Variants in KAZN observed in about 807,000 individuals in gnomAD.
KAZN encodes the protein kazrin.
KAZN carries 40 observed loss-of-function variants against 87.4 expected under a neutral mutation model. That is an observed-to-expected ratio of 0.46 (90% confidence interval 0.36 to 0.60). The LOEUF (loss-of-function observed/expected upper bound fraction) is 0.60, where lower values mean the gene tolerates loss of function less well. KAZN is among the 20% of genes least tolerant of loss of function. The pLI is 0.00. For missense variants in KAZN, 898 were observed against 1,073.9 expected (o/e 0.84, Z 2.29); for synonymous variants, 466 against 458.3 (o/e 1.02, Z -0.22).
At chr1:14,611,249 T>C (rs1203900610) in intron 1 of KAZN, among the ~76,000 whole-genome samples, 1 of 152,194 alleles carries the variant, frequency 6.6e-6, no homozygotes, top group Non-Finnish European at 1.5e-5. Context: ...TCTGTTTCAA[T>C]TCCAGAGCAA....
chr1:14,699,850 G>A (rs147764014), intron 1 of KAZN, among the ~76,000 whole-genome samples: 1 of 152,314 alleles, frequency 6.6e-6, no homozygotes, highest in East Asian at 1.9e-4. Flanking sequence ...GTGATGTCAT[G>A]CTGATATCAT....
chr1:14,475,635 A>G (rs1668676011), intron 2 of KAZN, among the ~76,000 whole-genome samples: 1 of 152,234 alleles, frequency 6.6e-6, no homozygotes, highest in Non-Finnish European at 1.5e-5. Context: ...AGTGTTATAA[A>G]CTATTCAGTA....
At chr1:14,958,389 G>C (rs1359804285) in intron 1 of KAZN, among the ~76,000 whole-genome samples, 7 of 102,468 alleles carry the variant, frequency 6.8e-5, no homozygotes, top group African/African-American at 1.2e-4. Flanking sequence ...TATATACATG[G>C]AGCACTTCCT....
chr1:14,751,746 G>A (rs889671595), intron 1 of KAZN, among the ~76,000 whole-genome samples: 23 of 152,146 alleles, frequency 1.5e-4, no homozygotes, highest in African/African-American at 5.3e-4. Context: ...AGGGAGCACC[G>A]TTTCTCCTTC....
At chr1:13,921,603 C>A (rs953030388) in intron 1 of KAZN, among the ~76,000 whole-genome samples, 1 of 152,164 alleles carries the variant, frequency 6.6e-6, no homozygotes, top group African/African-American at 2.4e-5. Context: ...CCTCATGCTT[C>A]TATCCTGCCT....
chr1:14,448,265 A>T (rs1048111109), intron 2 of KAZN, among the ~76,000 whole-genome samples: 3 of 152,254 alleles, frequency 2.0e-5, no homozygotes, highest in African/African-American at 7.2e-5. Context: ...GAGCAGGGAC[A>T]TGACCTCTGA....
At chr1:14,937,483 G>A (rs546037644) in intron 1 of KAZN, among the ~76,000 whole-genome samples, 35 of 152,162 alleles carry the variant, frequency 2.3e-4, no homozygotes, top group African/African-American at 7.0e-4. Context: ...CGTCCCCTCC[G>A]CCTCTCTCCC....
chr1:15,006,883 C>T (rs990189376), intron 2 of KAZN, among the ~76,000 whole-genome samples: 2 of 151,686 alleles, frequency 1.3e-5, no homozygotes, highest in Non-Finnish European at 2.9e-5. Context: ...GGTGAAACCC[C>T]GTCTCTACTA....
intron 1 of KAZN, among the ~76,000 whole-genome samples, chr1:13,922,916 G>A (rs553579909): frequency 1.3e-5 from 2 of 152,304 alleles, no homozygotes; most frequent in South Asian, 4.1e-4. Flanking sequence ...GCACATAGTA[G>A]ATGGACAAGG....
At chr1:14,256,764 C>T (rs1354366351) in intron 2 of KAZN, among the ~76,000 whole-genome samples, 1 of 152,152 alleles carries the variant, frequency 6.6e-6, no homozygotes, top group Admixed American at 6.5e-5. Flanking sequence ...AATGGGATAA[C>T]ATATTTAATC....
At chr1:14,554,831 G>C (rs529999385) in intron 2 of KAZN, among the ~76,000 whole-genome samples, 5 of 152,104 alleles carry the variant, frequency 3.3e-5, no homozygotes, top group Middle Eastern at 3.2e-3. Flanking sequence ...ATAACAGATC[G>C]TTATTACCAA....
At chr1:14,828,174 T>C (rs1048415927) in intron 1 of KAZN, among the ~76,000 whole-genome samples, 2 of 152,226 alleles carry the variant, frequency 1.3e-5, no homozygotes, top group African/African-American at 4.8e-5. Flanking sequence ...ATAGTCACAG[T>C]TCAGGGAACT....
At chr1:14,451,584 AAGAG>A (rs5772582) in intron 2 of KAZN, among the ~76,000 whole-genome samples, 3,608 of 148,612 alleles carry the variant, frequency 0.024, 52 homozygotes, top group Middle Eastern at 0.059. Flanking sequence ...CAGTTTCAGA[AAGAG>A]AGAGAGAGAG....
intron 1 of KAZN, among the ~76,000 whole-genome samples, chr1:14,084,119 T>C (rs1267785470): frequency 1.3e-5 from 2 of 150,040 alleles, no homozygotes; most frequent in African/African-American, 4.9e-5. Flanking sequence ...TGGAGGGAGG[T>C]GATGGTGGAT....
chr1:13,969,983 G>GCACAGGC (rs1642080152), intron 1 of KAZN, among the ~76,000 whole-genome samples: 1 of 152,178 alleles, frequency 6.6e-6, no homozygotes, highest in Admixed American at 6.5e-5. Context: ...TTTGCTAAAG[G>GCACAGGC]CACAGGCCTG....
At chr1:14,594,966 G>A (rs1490232973), upstream of KAZN, among the ~76,000 whole-genome samples, 1 of 152,078 alleles carries the variant, frequency 6.6e-6, no homozygotes, top group East Asian at 1.9e-4. Flanking sequence ...CCAAGATGGT[G>A]AAACCCCGTC....
rs372075751 is a variant in KAZN, at chr1:13,923,505, G to A, written c.91+29749G>A. On this transcript the variant is annotated intron_variant, in intron 1 of 16. Coordinates refer to the KAZN transcript ENST00000636203. ...GGAGAATGGCGTGAACCCGGGAGGC[G>A]GAGCTTGCAGTGAGCCGAGATCGCG... Among the ~76,000 whole-genome samples, 23 of 148,650 alleles carry A rather than the reference G, an allele frequency of 1.5e-4. No individual in the cohort carries two copies. In the East Asian group the frequency reaches 1.9e-3, roughly 12 times the overall value.
chr1:14,380,255 C>G (rs1450353991), intron 2 of KAZN, among the ~76,000 whole-genome samples: 1 of 152,156 alleles, frequency 6.6e-6, no homozygotes, highest in Non-Finnish European at 1.5e-5. Flanking sequence ...AGGATGGGTA[C>G]AAACAAGCCC....
chr1:14,192,701 C>T lies in KAZN; in HGVS notation c.249+12109C>T, dbSNP rs866747600. 4.6e-5 allele frequency among the ~76,000 whole-genome samples: 7 copies of T among 152,092 alleles called. 1 individual carries two copies. The highest frequency in any genetic ancestry group is 1.3e-4 in the Admixed American group (2 of 15,258). Reference sequence around the variant, plus strand: ...CAGTGTTTTCAGAATCTTTGAAATACCTCTACAAAACACAGTTATGCAGAA... The same window carrying T: ...CAGTGTTTTCAGAATCTTTGAAATATCTCTACAAAACACAGTTATGCAGAA... On this transcript the variant is annotated intron_variant, in intron 2 of 16. Transcript: ENST00000636203.
Sources: gnomAD v4.1 joint callset for allele counts (sites outside exome capture counted in the v4.1 genomes callset) on GRCh38, gnomAD v4.1.1 for gene constraint, MANE v1.5 for transcripts, NCBI Gene and HGNC (gene_info 2026-07-23, HGNC 2026-07-21) for gene names.